Variants in CDKAL1 observed in about 807,000 individuals in gnomAD.
CDKAL1 encodes the protein CDKAL1 threonylcarbamoyladenosine tRNA methylthiotransferase, also known as threonylcarbamoyladenosine tRNA methylthiotransferase.
Under a neutral mutation model 68.2 loss-of-function variants are expected in CDKAL1, and 32 were observed. The observed-to-expected ratio is 0.47, with a 90% CI of 0.35 to 0.63. The LOEUF (loss-of-function observed/expected upper bound fraction) is 0.63, where lower values mean the gene tolerates loss of function less well. CDKAL1 is among the 30% of genes least tolerant of loss of function. The pLI, the probability that CDKAL1 is intolerant of heterozygous loss-of-function variation, is 0.00. For synonymous variants in CDKAL1, 234 were observed against 244.3 expected (o/e 0.96, Z 0.39); for missense variants, 606 against 696.7 (o/e 0.87, Z 1.47).
chr6:20,728,204 T>C (rs1308848284), intron 5 of CDKAL1, among the ~76,000 whole-genome samples: 1 of 152,212 alleles, frequency 6.6e-6, no homozygotes, highest in Non-Finnish European at 1.5e-5. Flanking sequence ...GAGGGTGGTC[T>C]TTCCAACTTC....
intron 4 of CDKAL1, among the ~76,000 whole-genome samples, chr6:20,556,166 A>G (rs2127663718): frequency 6.6e-6 from 1 of 152,004 alleles, no homozygotes; most frequent in African/African-American, 2.4e-5. Context: ...GGAGTTCGAG[A>G]CCAGCCTGGC....
At chr6:21,141,556 A>G (rs1305815150) in intron 13 of CDKAL1, among the ~76,000 whole-genome samples, 3 of 152,202 alleles carry the variant, frequency 2.0e-5, no homozygotes, top group Non-Finnish European at 1.5e-5. Flanking sequence ...GAATGACTCA[A>G]TCCATGACAT....
intron 9 of CDKAL1, among the ~76,000 whole-genome samples, chr6:20,900,349 T>C (rs1761902337): frequency 6.6e-6 from 1 of 152,232 alleles, no homozygotes; most frequent in Non-Finnish European, 1.5e-5. Context: ...TAAAAGATAG[T>C]CTTCCAACTG....
chr6:20,827,612 A>C (rs902149493), intron 8 of CDKAL1, among the ~76,000 whole-genome samples: 5 of 152,194 alleles, frequency 3.3e-5, no homozygotes, highest in Non-Finnish European at 5.9e-5. Context: ...AGACATAAAA[A>C]AAAAGGTCTA....
chr6:20,785,492 T>C (rs1561776359), intron 8 of CDKAL1, among the ~76,000 whole-genome samples: 1 of 151,968 alleles, frequency 6.6e-6, no homozygotes, highest in Non-Finnish European at 1.5e-5. Flanking sequence ...ATTTTTGTTT[T>C]AGTAGAGATG....
chr6:21,227,153 G>C (rs1374330191), intron 15 of CDKAL1, among the ~76,000 whole-genome samples: 1 of 152,216 alleles, frequency 6.6e-6, no homozygotes, highest in Non-Finnish European at 1.5e-5. Flanking sequence ...TTACTTTCTA[G>C]AACTACGCTT....
intron 4 of CDKAL1, among the ~76,000 whole-genome samples, chr6:20,629,459 T>C (rs1049870769): frequency 2.0e-5 from 3 of 152,202 alleles, no homozygotes; most frequent in Non-Finnish European, 4.4e-5. Context: ...TTTGAGGCTA[T>C]GTAAATTTCC....
At chr6:21,182,747 A>G (rs9295501) in intron 13 of CDKAL1, among the ~76,000 whole-genome samples, 5,092 of 152,332 alleles carry the variant, frequency 0.033, 234 homozygotes, top group South Asian at 0.18. Context: ...ATTGAAAAAC[A>G]TTAAGAAAGG....
intron 7 of CDKAL1, among the ~76,000 whole-genome samples, chr6:20,775,170 A>G (rs773222913): frequency 2.0e-5 from 3 of 150,748 alleles, no homozygotes; most frequent in Admixed American, 6.6e-5. Context: ...ATTTATCACC[A>G]TCTCCTCGGT....
At chr6:21,067,709 TG>T (rs1395917308) in intron 12 of CDKAL1, among the ~76,000 whole-genome samples, 1 of 152,078 alleles carries the variant, frequency 6.6e-6, no homozygotes, top group Non-Finnish European at 1.5e-5. Flanking sequence ...ACTTTTCCAC[TG>T]GGGGGTCTGG....
At chr6:21,227,960 A>G (rs1163142604) in intron 15 of CDKAL1, among the ~76,000 whole-genome samples, 6 of 152,212 alleles carry the variant, frequency 3.9e-5, no homozygotes. Flanking sequence ...TTCATGAAAC[A>G]AAAAACAAAA....
At chr6:20,633,739 C>G (rs1318972882) in intron 4 of CDKAL1, among the ~76,000 whole-genome samples, 3 of 152,192 alleles carry the variant, frequency 2.0e-5, no homozygotes, top group Admixed American at 1.3e-4. Flanking sequence ...GAAGTGCTAT[C>G]TCATTGTGGT....
intron 12 of CDKAL1, among the ~76,000 whole-genome samples, chr6:21,104,014 C>T (rs1773719504): frequency 6.6e-6 from 1 of 152,144 alleles, no homozygotes; most frequent in Non-Finnish European, 1.5e-5. Context: ...ATAGGAGAAA[C>T]TGGCTCACTA....
At chr6:21,171,602 T>C (rs1477840781) in intron 13 of CDKAL1, among the ~76,000 whole-genome samples, 1 of 152,200 alleles carries the variant, frequency 6.6e-6, no homozygotes, top group African/African-American at 2.4e-5. Context: ...TACTATGCCA[T>C]TGAATGGATA....
chr6:21,112,069 AT>A (rs910259766), intron 13 of CDKAL1, among the ~76,000 whole-genome samples: 95 of 148,446 alleles, frequency 6.4e-4, no homozygotes, highest in African/African-American at 1.3e-3. Context: ...CCTGGAGTTG[AT>A]TTTTTTTTTT....
intron 11 of CDKAL1, 131 bp downstream of exon 11, chr6:21,000,503 C>G (rs1213488421): frequency 5.5e-6 from 4 of 732,226 alleles, no homozygotes; most frequent in Non-Finnish European, 4.4e-6. Flanking sequence ...GCTTTCAAAG[C>G]CTTTAAGTCT....
At chr6:20,643,505 G>A (rs952886137) in intron 4 of CDKAL1, among the ~76,000 whole-genome samples, 2 of 152,150 alleles carry the variant, frequency 1.3e-5, no homozygotes, top group African/African-American at 2.4e-5. Context: ...AGAGTTGATG[G>A]TGTTTCTCGT....
intron 5 of CDKAL1, among the ~76,000 whole-genome samples, chr6:20,686,628 A>C (rs901532047): frequency 6.6e-5 from 10 of 152,324 alleles, no homozygotes; most frequent in Admixed American, 3.3e-4. Context: ...ATGCGCTTGA[A>C]TCATTCTGAA....
At chr6:20,770,085 AC>A (rs1774874302) in intron 7 of CDKAL1, among the ~76,000 whole-genome samples, 1 of 151,768 alleles carries the variant, frequency 6.6e-6, no homozygotes. Context: ...ATCTTTTTAA[AC>A]TTTTTTTTCT....
Sources: allele counts gnomAD v4.1 joint callset (sites outside exome capture counted in the v4.1 genomes callset), GRCh38; gene constraint gnomAD v4.1.1; transcripts MANE v1.5; gene names NCBI Gene and HGNC (gene_info 2026-07-23, HGNC 2026-07-21).